The following DPYD variants were observed in gnomAD, a reference collection of about 807,000 sequenced individuals.
DPYD encodes the protein dihydropyrimidine dehydrogenase, also known as dihydropyrimidine dehydrogenase [NADP(+)].
DPYD carries 109 observed loss-of-function variants against 116.2 expected under a neutral mutation model. That is an observed-to-expected ratio of 0.94 (90% CI 0.80 to 1.10). DPYD has a LOEUF of 1.10. Among genes scored for constraint, DPYD ranks in the 50% least tolerant of loss-of-function variants. DPYD has a pLI of 0.00. For missense variants in DPYD, 1,302 were observed against 1,254.5 expected (o/e 1.04, Z -0.57); for synonymous variants, 440 against 432.0 (o/e 1.02, Z -0.23).
At chr1:97,690,709 C>T (rs1660968152) in intron 7 of DPYD, among the ~76,000 whole-genome samples, 1 of 151,926 alleles carries the variant, frequency 6.6e-6, no homozygotes, top group Non-Finnish European at 1.5e-5. Context: ...AAATAATCAC[C>T]TCTAAATTAT....
chr1:97,565,100 G>A (rs114602316), intron 11 of DPYD, among the ~76,000 whole-genome samples: 20 of 152,138 alleles, frequency 1.3e-4, no homozygotes, highest in African/African-American at 4.3e-4. Flanking sequence ...AGTCGCCCCT[G>A]ATACTGAAAA....
intron 9 of DPYD, among the ~76,000 whole-genome samples, chr1:97,594,555 A>G (rs1261661874): frequency 6.6e-6 from 1 of 152,164 alleles, no homozygotes; most frequent in Non-Finnish European, 1.5e-5. Context: ...ATTTTCCCCA[A>G]AGACAATGAC....
At chr1:97,181,242 A>G (rs2101799189) in intron 20 of DPYD, among the ~76,000 whole-genome samples, 1 of 152,246 alleles carries the variant, frequency 6.6e-6, no homozygotes, top group Middle Eastern at 3.4e-3. Flanking sequence ...CTGGGATGAG[A>G]GAAACCAAGT....
intron 14 of DPYD, among the ~76,000 whole-genome samples, chr1:97,413,075 A>C (rs193048550): frequency 1.3e-5 from 2 of 152,342 alleles, no homozygotes; most frequent in East Asian, 3.9e-4. Context: ...AACTACCAAG[A>C]ACAAAGAGTA....
intron 16 of DPYD, among the ~76,000 whole-genome samples, chr1:97,334,796 C>T (rs1669200568): frequency 1.3e-5 from 2 of 152,144 alleles, no homozygotes; most frequent in African/African-American, 4.8e-5. Context: ...TTTTGGATAT[C>T]AGTGCTCAGC....
intron 5 of DPYD, among the ~76,000 whole-genome samples, chr1:97,709,735 A>C (rs1327065933): frequency 2.6e-5 from 4 of 151,918 alleles, no homozygotes; most frequent in Non-Finnish European, 5.9e-5. Flanking sequence ...TGTTCTATAA[A>C]TGAAAAAAGA....
intron 2 of DPYD, among the ~76,000 whole-genome samples, chr1:97,864,211 C>CTAT (rs1423165382): frequency 6.6e-6 from 1 of 151,804 alleles, no homozygotes; most frequent in East Asian, 1.9e-4. Context: ...GTGCTAGGCA[C>CTAT]TTAATAAGCC....
At chr1:97,393,535 C>T (rs12119381) in intron 14 of DPYD, among the ~76,000 whole-genome samples, 34,561 of 151,574 alleles carry the variant, frequency 0.23, 4,548 homozygotes, top group Middle Eastern at 0.36. Context: ...TGAGTGAGAA[C>T]ATGCGGTGTT....
intron 19 of DPYD, among the ~76,000 whole-genome samples, chr1:97,218,631 G>A (rs576203298): frequency 6.6e-6 from 1 of 151,242 alleles, no homozygotes; most frequent in Admixed American, 6.6e-5. Flanking sequence ...AATCTTGGAC[G>A]ATGGTTAGGA....
At chr1:97,444,699 C>T (rs2101772235) in intron 14 of DPYD, among the ~76,000 whole-genome samples, 1 of 152,112 alleles carries the variant, frequency 6.6e-6, no homozygotes, top group African/African-American at 2.4e-5. Context: ...AGGGCCTAAC[C>T]ATAAGTATCT....
chr1:97,428,011 T>C (rs1674969643), intron 14 of DPYD, among the ~76,000 whole-genome samples: 1 of 152,140 alleles, frequency 6.6e-6, no homozygotes, highest in African/African-American at 2.4e-5. Context: ...TATGGTTCAG[T>C]TAAAATATAA....
intron 18 of DPYD, among the ~76,000 whole-genome samples, chr1:97,245,689 CA>C (rs1284912007): frequency 6.6e-6 from 1 of 152,086 alleles, no homozygotes; most frequent in Non-Finnish European, 1.5e-5. Context: ...TCCAGGATAA[CA>C]AGTGGGCATT....
rs546326741 is a variant in DPYD, at chr1:97,632,776, T to C, written c.851-37610A>G. 1.5e-3 allele frequency among the ~76,000 whole-genome samples: 230 copies of C among 152,232 alleles called. 5 individuals carry two copies. The highest frequency in any genetic ancestry group is 6.8e-3 in the Middle Eastern group (2 of 294). ...AGGATTTTTAATATATTTACAGGTG[T>C]CACTACCTTCATTTGTATAAACTAT... is the stretch of plus-strand genomic sequence containing the variant. On this transcript the variant is annotated intron_variant, in intron 8 of 22. Coordinates refer to ENST00000370192, the MANE Select transcript of DPYD (RefSeq NM_000110.4).
chr1:97,715,851 A>T (rs1662583273), intron 5 of DPYD, among the ~76,000 whole-genome samples: 1 of 152,118 alleles, frequency 6.6e-6, no homozygotes, highest in Non-Finnish European at 1.5e-5. Flanking sequence ...ACATTATTTC[A>T]GAGCACACCT....
intron 19 of DPYD, among the ~76,000 whole-genome samples, chr1:97,224,156 T>C (rs529616815): frequency 1.3e-5 from 2 of 152,006 alleles, no homozygotes; most frequent in Admixed American, 1.3e-4. Context: ...TTAAATAAAT[T>C]AGAAGTCAGT....
intron 10 of DPYD, among the ~76,000 whole-genome samples, chr1:97,587,610 G>T (rs1654220126): frequency 1.3e-5 from 2 of 151,998 alleles, no homozygotes; most frequent in South Asian, 4.2e-4. Flanking sequence ...CGGATCACAA[G>T]GTCAGGAGAT....
chr1:97,741,004 G>A (rs1326858661), intron 3 of DPYD, among the ~76,000 whole-genome samples: 1 of 151,938 alleles, frequency 6.6e-6, no homozygotes, highest in Non-Finnish European at 1.5e-5. Flanking sequence ...CCCATTCACA[G>A]GACAATTGAG....
chr1:97,269,434 C>T (rs1446754048), intron 18 of DPYD, among the ~76,000 whole-genome samples: 1 of 152,154 alleles, frequency 6.6e-6, no homozygotes, highest in South Asian at 2.1e-4. Flanking sequence ...TACCCAGTTC[C>T]AAAGTCATTT....
chr1:97,375,640 G>A (rs1671570243), intron 15 of DPYD, among the ~76,000 whole-genome samples: 1 of 152,140 alleles, frequency 6.6e-6, no homozygotes. Context: ...TCTTACGCCT[G>A]TAGCTAAGGA....
Sources: gnomAD v4.1 joint callset for allele counts (sites outside exome capture counted in the v4.1 genomes callset) on GRCh38, gnomAD v4.1.1 for gene constraint, MANE v1.5 for transcripts, NCBI Gene and HGNC (gene_info 2026-07-23, HGNC 2026-07-21) for gene names.